RORA: variants seen among roughly 807,000 people sequenced by gnomAD.
The protein encoded by RORA is nuclear receptor ROR-alpha.
RORA carries 7 observed loss-of-function variants against 69.5 expected under a neutral mutation model. That is an observed-to-expected ratio of 0.10 (90% CI 0.06 to 0.19). The LOEUF (loss-of-function observed/expected upper bound fraction) is 0.19, where lower values mean the gene tolerates loss of function less well. Ranked by LOEUF, RORA falls within the 10% of genes least tolerant of loss-of-function variation. The probability of loss-of-function intolerance (pLI) is 1.00; values close to 1 mark genes in which losing one functional copy is unlikely to be tolerated. For missense variants in RORA, 457 were observed against 663.0 expected (o/e 0.69, Z 3.41); for synonymous variants, 261 against 240.8 (o/e 1.08, Z -0.78).
At chr15:60,644,022 A>C (rs1290445851) in intron 2 of RORA, among the ~76,000 whole-genome samples, 2 of 152,192 alleles carry the variant, frequency 1.3e-5, no homozygotes, top group African/African-American at 2.4e-5. Context: ...AGTTACTAGA[A>C]TAGCACAGGA....
chr15:60,676,606 C>T (rs7172874), intron 2 of RORA, among the ~76,000 whole-genome samples: 121,438 of 152,194 alleles, frequency 0.8, 48,898 homozygotes, highest in Admixed American at 0.86. Context: ...CTGATTTTCA[C>T]AGTTAGAAAG....
intron 1 of RORA, among the ~76,000 whole-genome samples, chr15:61,042,414 C>A (rs538661606): frequency 6.6e-6 from 1 of 152,234 alleles, no homozygotes; most frequent in Admixed American, 6.5e-5. Context: ...AACACACAAA[C>A]ACACAATTAG....
intron 1 of RORA, among the ~76,000 whole-genome samples, chr15:60,834,909 T>C (rs1269328413): frequency 6.6e-6 from 1 of 151,754 alleles, no homozygotes; most frequent in East Asian, 1.9e-4. Flanking sequence ...ATTTTTTTTT[T>C]CCCTCCAAAA....
At chr15:60,546,579 G>A (rs1225107287) in intron 2 of RORA, 1 of 152,070 alleles carries the variant, frequency 6.6e-6, no homozygotes, top group East Asian at 1.9e-4. Flanking sequence ...TTTTAATAAA[G>A]CCCATTTTTA....
intron 1 of RORA, among the ~76,000 whole-genome samples, chr15:61,067,277 A>C (rs909931857): frequency 1.3e-5 from 2 of 151,708 alleles, no homozygotes; most frequent in East Asian, 3.9e-4. Context: ...ATGCCTGGCT[A>C]ATTTTTGTAT....
At chr15:60,700,250 T>G (rs1435825653) in intron 1 of RORA, among the ~76,000 whole-genome samples, 3 of 152,208 alleles carry the variant, frequency 2.0e-5, no homozygotes, top group Non-Finnish European at 4.4e-5. Flanking sequence ...TTACTCCCTT[T>G]TGCCAGGACA....
intron 1 of RORA, among the ~76,000 whole-genome samples, chr15:61,210,939 G>A (rs1415148716): frequency 2.0e-5 from 3 of 152,242 alleles, no homozygotes; most frequent in Admixed American, 6.5e-5. Context: ...GCTGGAGCTC[G>A]AGATGGTGGC....
intron 1 of RORA, among the ~76,000 whole-genome samples, chr15:61,154,514 T>C (rs2079425465): frequency 6.6e-6 from 1 of 152,186 alleles, no homozygotes; most frequent in South Asian, 2.1e-4. Context: ...TGGAAACAAG[T>C]GATTCTCAGT....
At chr15:61,043,504 T>C (rs1040216006) in intron 1 of RORA, among the ~76,000 whole-genome samples, 9 of 152,232 alleles carry the variant, frequency 5.9e-5, no homozygotes, top group Non-Finnish European at 1.2e-4. Context: ...TTAAACGCTA[T>C]TTCAGAATGT....
intron 1 of RORA, among the ~76,000 whole-genome samples, chr15:61,103,724 T>C (rs2078912433): frequency 6.6e-6 from 1 of 152,154 alleles, no homozygotes; most frequent in Non-Finnish European, 1.5e-5. Flanking sequence ...GATCCAGATA[T>C]GGCAGCCAGC....
intron 1 of RORA, among the ~76,000 whole-genome samples, chr15:60,888,532 C>A (rs887832585): frequency 6.6e-6 from 1 of 152,088 alleles, no homozygotes; most frequent in African/African-American, 2.4e-5. Context: ...TGGCAGTCTT[C>A]TCAGGGAAAG....
chr15:61,208,533 G>A (rs1006988924), intron 1 of RORA, among the ~76,000 whole-genome samples: 6 of 152,154 alleles, frequency 3.9e-5, no homozygotes, highest in African/African-American at 1.4e-4. Context: ...CTTAAGATGG[G>A]TGAATGTAAT....
chr15:60,646,517 C>A (rs1413053636), intron 2 of RORA, among the ~76,000 whole-genome samples: 1 of 152,112 alleles, frequency 6.6e-6, no homozygotes, highest in African/African-American at 2.4e-5. Context: ...GAATAAAACC[C>A]GGGTATGTGA....
At chr15:60,963,014 T>C (rs907228735) in intron 1 of RORA, among the ~76,000 whole-genome samples, 1 of 152,214 alleles carries the variant, frequency 6.6e-6, no homozygotes, top group Admixed American at 6.5e-5. Flanking sequence ...AGTAAATGTA[T>C]CTAATCACCT....
intron 1 of RORA, among the ~76,000 whole-genome samples, chr15:60,847,033 A>G (rs1021368596): frequency 4.6e-5 from 7 of 152,350 alleles, no homozygotes; most frequent in African/African-American, 1.4e-4. Flanking sequence ...CAAGAGCTCA[A>G]GAGAGCATGG....
At position 60,634,554 on chromosome 15, in the gene RORA, G is replaced by A. The variant is rs558881745; in HGVS notation, c.196+44103C>T. Reference sequence around the variant, plus strand: ...GGAGTAGCTGGGACTACAGGCGCCCGCCACCACGCCCGGCTAATTTTTGTG... The same window carrying A: ...GGAGTAGCTGGGACTACAGGCGCCCACCACCACGCCCGGCTAATTTTTGTG... On this transcript the variant is annotated intron_variant, in intron 2 of 10. Coordinates refer to ENST00000335670, the MANE Select transcript of RORA (RefSeq NM_134261.3). 5.3e-5 allele frequency among the ~76,000 whole-genome samples: 8 copies of A among 151,794 alleles called. No individual in the cohort carries two copies. In the South Asian group the frequency reaches 1.3e-3, roughly 24 times the overall value.
In RORA at chr15:60,564,458, T is replaced by G. The variant is rs568198907; in HGVS notation, c.197-32607A>C. On this transcript the variant is annotated intron_variant, in intron 2 of 10. Transcript: ENST00000335670. ...ATTTTTTACTGCCAGTGAGAACCAT[T>G]TGGTCAGAATGATCCACACTCTCAT... Among the ~76,000 whole-genome samples the G allele has an allele frequency of 2.6e-5, 4 of 152,270 alleles. No homozygotes were observed. In the South Asian group the frequency reaches 8.3e-4, roughly 32 times the overall value.
At chr15:61,097,509 C>T (rs538912390) in intron 1 of RORA, among the ~76,000 whole-genome samples, 2 of 152,046 alleles carry the variant, frequency 1.3e-5, no homozygotes, top group South Asian at 2.1e-4. Flanking sequence ...CTTCCCTCTG[C>T]CTGGAAGGTA....
At chr15:60,688,493 T>G (rs1188826318) in intron 1 of RORA, among the ~76,000 whole-genome samples, 1 of 152,210 alleles carries the variant, frequency 6.6e-6, no homozygotes, top group African/African-American at 2.4e-5. Flanking sequence ...AATGTTGACC[T>G]AATATTAGTT....
Sources: allele counts gnomAD v4.1 joint callset (sites outside exome capture counted in the v4.1 genomes callset), GRCh38; gene constraint gnomAD v4.1.1; transcripts MANE v1.5; gene names NCBI Gene and HGNC (gene_info 2026-07-23, HGNC 2026-07-21).